The following PPM1L variants were observed in gnomAD, a reference collection of about 807,000 sequenced individuals.
PPM1L encodes protein phosphatase 1L.
In PPM1L, 13 loss-of-function variants were observed where a neutral mutation model predicts 31.4. The observed-to-expected ratio is 0.41, with a 90% CI of 0.27 to 0.66. The LOEUF (loss-of-function observed/expected upper bound fraction) is 0.66, where lower values mean the gene tolerates loss of function less well. Among genes scored for constraint, PPM1L ranks in the 30% least tolerant of loss-of-function variants. The pLI is 0.29. For synonymous variants in PPM1L, 184 were observed against 175.4 expected (o/e 1.05, Z -0.39); for missense variants, 326 against 453.7 (o/e 0.72, Z 2.56).
chr3:160,856,350 G>T (rs745412657), intron 1 of PPM1L, among the ~76,000 whole-genome samples: 1 of 152,156 alleles, frequency 6.6e-6, no homozygotes, highest in Non-Finnish European at 1.5e-5. Context: ...GAAGATACAT[G>T]CATTCATATG....
At chr3:160,921,596 ATTATC>A (rs1427193426) in intron 1 of PPM1L, among the ~76,000 whole-genome samples, 1 of 152,124 alleles carries the variant, frequency 6.6e-6, no homozygotes, top group Non-Finnish European at 1.5e-5. Context: ...AAAAACTTAA[ATTATC>A]TTATTTAAAA....
intron 1 of PPM1L, among the ~76,000 whole-genome samples, chr3:160,859,205 A>G (rs186594741): frequency 6.6e-6 from 1 of 152,300 alleles, no homozygotes; most frequent in African/African-American, 2.4e-5. Flanking sequence ...CTATGCATGA[A>G]TCTAACACTC....
chr3:161,038,859 A>C (rs1421286857), intron 2 of PPM1L, among the ~76,000 whole-genome samples: 2 of 152,154 alleles, frequency 1.3e-5, no homozygotes, highest in Admixed American at 1.3e-4. Context: ...ATTCTAAGTC[A>C]CAGGAGAGAT....
At chr3:161,032,683 A>G (rs1055916465) in intron 2 of PPM1L, among the ~76,000 whole-genome samples, 1 of 132,748 alleles carries the variant, frequency 7.5e-6, no homozygotes, top group African/African-American at 2.9e-5. Flanking sequence ...GCCTCAGTAC[A>G]GAGAAGTCCT....
intron 1 of PPM1L, among the ~76,000 whole-genome samples, chr3:160,860,246 A>G (rs1711843379): frequency 6.6e-6 from 1 of 152,194 alleles, no homozygotes; most frequent in Non-Finnish European, 1.5e-5. Context: ...CCTCCAAATC[A>G]TTTTTAAAAC....
At position 161,069,495 on chromosome 3, in the gene PPM1L, T is replaced by G. The variant is rs957430987; in HGVS notation, c.*338T>G. 4 of 276,086 alleles carry G rather than the reference T, an allele frequency of 1.4e-5. No individual in the cohort carries two copies. The South Asian group carries it at 1.7e-4, about 12-fold the overall frequency. 17.1% of individuals were successfully genotyped at this position (276,086 alleles called of 1,614,324 possible). A position where few individuals can be genotyped will look rare whatever the true frequency, so the allele number is the denominator to read the frequency against. ...ATTCTTTTCAAGATCCTGTTCAGGG[T>G]CCTCCAGGCATCAGCTGTTGTGTCC... On this transcript the variant is annotated 3_prime_UTR_variant, in exon 4 of 4. Transcript: ENST00000498165.
In PPM1L at chr3:161,069,380, T is replaced by C; in HGVS notation, c.*223T>C. 2 of 554,000 alleles carry C rather than the reference T, an allele frequency of 3.6e-6. No homozygotes were observed. The highest frequency in any genetic ancestry group is 3.2e-6 in the Non-Finnish European group (1 of 314,220). 34.3% of individuals were successfully genotyped at this position (554,000 alleles called of 1,614,324 possible). ...TGGTTTCTTCATGTTTTCCCAACTCTTTCATCCAGTGTCCAAAATATATAA... is the reference window on the plus strand; with the variant it reads ...TGGTTTCTTCATGTTTTCCCAACTCCTTCATCCAGTGTCCAAAATATATAA... On this transcript the variant is annotated 3_prime_UTR_variant, in exon 4 of 4. Coordinates refer to ENST00000498165, the MANE Select transcript of PPM1L (RefSeq NM_139245.4).
chr3:161,048,963 GA>G (rs1260429714), intron 2 of PPM1L, among the ~76,000 whole-genome samples: 2 of 150,958 alleles, frequency 1.3e-5, no homozygotes, highest in African/African-American at 4.9e-5. Flanking sequence ...ATAGCATTAT[GA>G]GATATACCTA....
At chr3:160,806,200 T>C (rs964779298) in intron 1 of PPM1L, among the ~76,000 whole-genome samples, 3 of 152,218 alleles carry the variant, frequency 2.0e-5, no homozygotes, top group Non-Finnish European at 2.9e-5. Context: ...GGCTGTGCTC[T>C]CTAGCCTCTG....
At chr3:160,892,764 T>C (rs535524637) in intron 1 of PPM1L, among the ~76,000 whole-genome samples, 66 of 152,324 alleles carry the variant, frequency 4.3e-4, no homozygotes, top group African/African-American at 1.5e-3. Flanking sequence ...TTTTTATTTC[T>C]CAGATTCTTA....
intron 2 of PPM1L, among the ~76,000 whole-genome samples, chr3:161,031,706 G>C (rs968969792): frequency 1.3e-5 from 2 of 151,812 alleles, no homozygotes; most frequent in African/African-American, 4.8e-5. Context: ...AGGTCTCGCT[G>C]TGTTGCCCAG....
chr3:160,777,900 GAT>G (rs1350646511), intron 1 of PPM1L, among the ~76,000 whole-genome samples: 1 of 152,122 alleles, frequency 6.6e-6, no homozygotes, highest in Non-Finnish European at 1.5e-5. Flanking sequence ...AGGATTGCTG[GAT>G]CATGTGGTAG....
chr3:160,940,421 C>T (rs564110721), intron 1 of PPM1L, among the ~76,000 whole-genome samples: 358 of 152,320 alleles, frequency 2.4e-3, no homozygotes, highest in African/African-American at 8.3e-3. Flanking sequence ...CCCCTCCCAT[C>T]ACAGGCCTGG....
At chr3:160,831,200 C>T (rs1713516631) in intron 1 of PPM1L, among the ~76,000 whole-genome samples, 1 of 151,958 alleles carries the variant, frequency 6.6e-6, no homozygotes, top group African/African-American at 2.4e-5. Flanking sequence ...TGGATGTTCC[C>T]AACATGAAGA....
intron 2 of PPM1L, among the ~76,000 whole-genome samples, chr3:161,013,908 A>G (rs967205304): frequency 1.3e-5 from 2 of 151,890 alleles, no homozygotes; most frequent in Non-Finnish European, 2.9e-5. Context: ...TTTTGAGCCT[A>G]TGTTTGTCTC....
At chr3:160,757,671 A>C (rs983896154) in intron 1 of PPM1L, among the ~76,000 whole-genome samples, 1 of 152,186 alleles carries the variant, frequency 6.6e-6, no homozygotes, top group Non-Finnish European at 1.5e-5. Context: ...TGGGCCAATC[A>C]CCCCATCTCT....
chr3:160,912,263 G>A (rs1350456396), intron 1 of PPM1L, among the ~76,000 whole-genome samples: 4 of 152,088 alleles, frequency 2.6e-5, no homozygotes, highest in African/African-American at 9.7e-5. Context: ...TATACAAGGG[G>A]GAATCTATTT....
chr3:161,060,011 C>G (rs972150680), intron 2 of PPM1L, among the ~76,000 whole-genome samples: 6 of 152,094 alleles, frequency 3.9e-5, no homozygotes, highest in African/African-American at 1.4e-4. Flanking sequence ...TACCCAGTCT[C>G]AGGTATTTCT....
chr3:160,930,282 G>A (rs974597233), intron 1 of PPM1L, among the ~76,000 whole-genome samples: 1 of 151,704 alleles, frequency 6.6e-6, no homozygotes, highest in African/African-American at 2.4e-5. Flanking sequence ...AAAGTGTTTT[G>A]TAAACTGTGA....
Sources: gnomAD v4.1 joint callset for allele counts (sites outside exome capture counted in the v4.1 genomes callset) on GRCh38, gnomAD v4.1.1 for gene constraint, MANE v1.5 for transcripts, NCBI Gene and HGNC (gene_info 2026-07-23, HGNC 2026-07-21) for gene names.